The following CSMD2 variants were observed in gnomAD, a reference collection of about 807,000 sequenced individuals.
CSMD2 encodes the protein CUB and sushi domain-containing protein 2.
Under a neutral mutation model 398.5 loss-of-function variants are expected in CSMD2, and 130 were observed. That is an observed-to-expected ratio of 0.33 (90% CI 0.28 to 0.38). The LOEUF (loss-of-function observed/expected upper bound fraction) is 0.38, where lower values mean the gene tolerates loss of function less well. Ranked by LOEUF, CSMD2 falls within the 10% of genes least tolerant of loss-of-function variation. CSMD2 has a pLI of 1.00. For missense variants in CSMD2, 3,829 were observed against 4,764.9 expected, an observed-to-expected ratio of 0.80 and a Z score of 5.78; for synonymous variants, 1,828 against 1,908.5, an observed-to-expected ratio of 0.96 and a Z score of 1.10.
intron 13 of CSMD2, among the ~76,000 whole-genome samples, chr1:33,754,063 C>T (rs746012716): frequency 3.3e-5 from 5 of 152,028 alleles, no homozygotes; most frequent in Non-Finnish European, 7.4e-5. Flanking sequence ...CTTTGGGGGA[C>T]TATTGGGAAG....
chr1:33,849,866 A>C (rs894161969), intron 5 of CSMD2, among the ~76,000 whole-genome samples: 1 of 151,974 alleles, frequency 6.6e-6, no homozygotes, highest in Non-Finnish European at 1.5e-5. Context: ...ATTATAATAG[A>C]GTTAGTGAAA....
intron 1 of CSMD2, among the ~76,000 whole-genome samples, chr1:34,149,704 C>T (rs1640111967): frequency 6.6e-6 from 1 of 152,224 alleles, no homozygotes; most frequent in Admixed American, 6.5e-5. Context: ...TTCCCAGGCT[C>T]TTCCAGGGGG....
intron 3 of CSMD2, among the ~76,000 whole-genome samples, chr1:34,002,723 A>G (rs1411483590): frequency 6.6e-6 from 1 of 152,242 alleles, no homozygotes; most frequent in Non-Finnish European, 1.5e-5. Flanking sequence ...TTGTGAAACA[A>G]ATAATTAACA....
At chr1:33,783,185 C>T (rs1373654749) in intron 12 of CSMD2, among the ~76,000 whole-genome samples, 1 of 152,066 alleles carries the variant, frequency 6.6e-6, no homozygotes, top group Non-Finnish European at 1.5e-5. Flanking sequence ...ATGGGGTACA[C>T]AGGTGCAGGT....
At chr1:33,819,505 C>T (rs1657856584) in intron 9 of CSMD2, among the ~76,000 whole-genome samples, 1 of 152,190 alleles carries the variant, frequency 6.6e-6, no homozygotes, top group Non-Finnish European at 1.5e-5. Flanking sequence ...CTTATCTTCC[C>T]CATCTCTGTA....
At position 33,792,453 on chromosome 1, in the gene CSMD2, T is replaced by C. The variant is rs1224349963; in HGVS notation, c.1520A>G (p.Gln507Arg). The change falls in exon 11 of 71, where the codon CAG becomes CGG. Residue 507 changes from glutamine (Q) to arginine (R), a missense_variant. Around this residue, in one of 5 missense-constraint regions of CSMD2, gnomAD observed 2,001 missense variants for 2,567.1 expected, o/e 0.78. Coordinates refer to ENST00000373381, the MANE Select transcript of CSMD2 (RefSeq NM_001281956.2). ...GAGAACTGTCTTCTGGTCCCCATCC[T>C]GACCACCATCACCGACCGTCAGGGT... is the stretch of plus-strand genomic sequence containing the variant. ...YDTLTVGDGG[Q>R]DGDQKTVLYI... 6.2e-7 allele frequency: 1 copy of C among 1,613,698 alleles called. No homozygotes were observed. Among genetic ancestry groups the C allele is most frequent in the African/African-American group, 1.3e-5 (1 of 74,896 alleles).
chr1:33,609,011 T>C (rs1048091020), intron 41 of CSMD2, among the ~76,000 whole-genome samples: 2 of 152,214 alleles, frequency 1.3e-5, no homozygotes, highest in African/African-American at 4.8e-5. Flanking sequence ...CGTCATGACC[T>C]GTTTGACAGG....
intron 4 of CSMD2, among the ~76,000 whole-genome samples, chr1:33,926,988 T>TG (rs530281400): frequency 8.5e-5 from 13 of 152,288 alleles, no homozygotes; most frequent in African/African-American, 2.9e-4. Flanking sequence ...CTAGAAGATT[T>TG]GGGGTCCTTG....
At chr1:33,888,435 T>C (rs567399466) in intron 5 of CSMD2, among the ~76,000 whole-genome samples, 3 of 152,066 alleles carry the variant, frequency 2.0e-5, no homozygotes, top group South Asian at 4.1e-4. Context: ...AGAAATAAAA[T>C]AGAAGAAAAA....
intron 27 of CSMD2, among the ~76,000 whole-genome samples, chr1:33,652,864 C>T (rs2148969799): frequency 6.6e-6 from 1 of 152,314 alleles, no homozygotes; most frequent in South Asian, 2.1e-4. Flanking sequence ...ACACCATTCT[C>T]CTGCCTCAGC....
rs541928189 is a variant in CSMD2 at position 33,596,617 on chromosome 1, CAAG to C, written c.6856+4245_6856+4247del. Among the ~76,000 whole-genome samples the C allele has an allele frequency of 9.2e-5, 14 of 152,226 alleles. No homozygotes were observed. The East Asian group carries it at 2.7e-3, about 29-fold the overall frequency. Reference sequence around the variant, plus strand: ...AAACACGTCTTTCTTCACATGGCAGCAAGAAGGAGAAGAATGAGAGCCCAGTGA... The same window carrying C: ...AAACACGTCTTTCTTCACATGGCAGCAAGGAGAAGAATGAGAGCCCAGTGA... On this transcript the variant is annotated intron_variant, in intron 44 of 70. Transcript: ENST00000373381.
Position 34,131,301 on chromosome 1 carries a change from T to A in CSMD2, c.187+33610A>T, listed in dbSNP as rs959983571. Among the ~76,000 whole-genome samples, 3 of 152,196 alleles carry A rather than the reference T, an allele frequency of 2.0e-5. No individual in the cohort carries two copies. In the South Asian group the frequency reaches 6.2e-4, roughly 32 times the overall value. On this transcript the variant is annotated intron_variant, in intron 1 of 70. Coordinates refer to ENST00000373381, the MANE Select transcript of CSMD2 (RefSeq NM_001281956.2). Reference sequence around the variant, plus strand: ...GTACTAGACAAGAATGAATTATACCTGACCCAAAGTCAAAGTTCTGTCTGC... The same window carrying A: ...GTACTAGACAAGAATGAATTATACCAGACCCAAAGTCAAAGTTCTGTCTGC...
At chr1:33,857,280 G>C (rs1274263834) in intron 5 of CSMD2, among the ~76,000 whole-genome samples, 1 of 152,144 alleles carries the variant, frequency 6.6e-6, no homozygotes, top group African/African-American at 2.4e-5. Context: ...ATCAAAAATG[G>C]GGGAGAGGAG....
intron 22 of CSMD2, among the ~76,000 whole-genome samples, chr1:33,707,373 T>A (rs1465158133): frequency 6.6e-6 from 1 of 151,940 alleles, no homozygotes; most frequent in East Asian, 1.9e-4. Context: ...AGAGAGGAGG[T>A]CCCTCTGGTG....
intron 29 of CSMD2, among the ~76,000 whole-genome samples, chr1:33,640,647 T>C (rs1643053335): frequency 6.6e-6 from 1 of 152,184 alleles, no homozygotes; most frequent in Admixed American, 6.5e-5. Flanking sequence ...TTTATATTTA[T>C]AGAAAGTATC....
At chr1:33,520,077 G>A in intron 68 of CSMD2, 127 bp from the exon 69 acceptor site, 2 of 1,100,374 alleles carry the variant, frequency 1.8e-6, no homozygotes, top group Non-Finnish European at 2.6e-6. Context: ...CTCCTGCTCA[G>A]CACGGGAGGC....
intron 22 of CSMD2, among the ~76,000 whole-genome samples, chr1:33,701,381 C>A (rs947249256): frequency 6.6e-6 from 1 of 152,232 alleles, no homozygotes; most frequent in African/African-American, 2.4e-5. Flanking sequence ...AGACAACAAT[C>A]ATCAGAATAA....
At chr1:33,610,876 C>T (rs979496359) in intron 41 of CSMD2, among the ~76,000 whole-genome samples, 165 bp downstream of exon 41, 1 of 152,056 alleles carries the variant, frequency 6.6e-6, no homozygotes, top group Non-Finnish European at 1.5e-5. Context: ...AAATGGGGTC[C>T]GGAGAGATCT....
intron 3 of CSMD2, among the ~76,000 whole-genome samples, chr1:34,008,373 C>T (rs1647127785): frequency 6.6e-6 from 1 of 152,346 alleles, no homozygotes; most frequent in South Asian, 2.1e-4. Context: ...ATCGGGTTTT[C>T]CAACCCCAAA....
Sources: allele counts gnomAD v4.1 joint callset (sites outside exome capture counted in the v4.1 genomes callset), GRCh38; gene constraint gnomAD v4.1.1; regional missense constraint gnomAD v4.1.1; transcripts MANE v1.5; gene names NCBI Gene and HGNC (gene_info 2026-07-23, HGNC 2026-07-21).